The following NDUFS4 variants were observed in gnomAD, a reference collection of about 807,000 sequenced individuals.
NDUFS4 encodes the protein NADH:ubiquinone oxidoreductase subunit S4, also known as NADH dehydrogenase [ubiquinone] iron-sulfur protein 4, mitochondrial.
A neutral mutation model predicts 24.3 loss-of-function variants in NDUFS4; 28 were observed. That is an observed-to-expected ratio of 1.15 (90% confidence interval 0.85 to 1.58). NDUFS4 has a LOEUF of 1.58. Among genes scored for constraint, NDUFS4 ranks in the 40% most tolerant of loss-of-function variants. The probability of loss-of-function intolerance (pLI) is 0.00; values close to 1 mark genes in which losing one functional copy is unlikely to be tolerated. For synonymous variants in NDUFS4, 93 were observed against 69.7 expected, an observed-to-expected ratio of 1.34 and a Z score of -1.67; for missense variants, 223 against 207.9, an observed-to-expected ratio of 1.07 and a Z score of -0.45.
intron 2 of NDUFS4, among the ~76,000 whole-genome samples, chr5:53,635,461 A>G (rs2112494920): frequency 6.6e-6 from 1 of 152,274 alleles, no homozygotes; most frequent in South Asian, 2.1e-4. Flanking sequence ...TCAAGGTTGC[A>G]GTAAGCCATG....
intron 1 of NDUFS4, among the ~76,000 whole-genome samples, chr5:53,562,166 G>A (rs1748869967): frequency 6.6e-6 from 1 of 152,058 alleles, no homozygotes; most frequent in Non-Finnish European, 1.5e-5. Context: ...ACCACACCTG[G>A]CTAATTTTTG....
chr5:53,632,516 C>G (rs576146833), intron 2 of NDUFS4, among the ~76,000 whole-genome samples: 4 of 152,266 alleles, frequency 2.6e-5, no homozygotes, highest in African/African-American at 9.6e-5. Flanking sequence ...TTTTGCTTAA[C>G]TCCTCTTCAG....
chr5:53,596,833 G>A (rs1750148597), intron 1 of NDUFS4, among the ~76,000 whole-genome samples: 1 of 152,138 alleles, frequency 6.6e-6, no homozygotes, highest in East Asian at 1.9e-4. Flanking sequence ...CTCCATAATG[G>A]TTTTTATAAG....
At chr5:53,672,260 G>A (rs1013597761) in intron 4 of NDUFS4, among the ~76,000 whole-genome samples, 1 of 151,588 alleles carries the variant, frequency 6.6e-6, no homozygotes, top group African/African-American at 2.4e-5. Context: ...CAAAACAAAG[G>A]CAAGAATCAT....
intron 1 of NDUFS4, among the ~76,000 whole-genome samples, chr5:53,566,925 T>C (rs1749046097): frequency 6.6e-6 from 1 of 150,874 alleles, no homozygotes; most frequent in South Asian, 2.1e-4. Flanking sequence ...CTCGGCTCAC[T>C]GTGAACTCTG....
chr5:53,645,251 G>A (rs1751827074), intron 2 of NDUFS4, among the ~76,000 whole-genome samples: 1 of 152,020 alleles, frequency 6.6e-6, no homozygotes, highest in Non-Finnish European at 1.5e-5. Context: ...ATCAGATAAA[G>A]TATTTTACCA....
intron 1 of NDUFS4, among the ~76,000 whole-genome samples, chr5:53,587,609 G>A (rs1303534570): frequency 2.0e-5 from 3 of 147,708 alleles, no homozygotes; most frequent in South Asian, 2.1e-4. Flanking sequence ...ACAGCGTCTC[G>A]CTCTGTCTCA....
chr5:53,624,252 C>T (rs963653078), intron 2 of NDUFS4, among the ~76,000 whole-genome samples: 3 of 152,106 alleles, frequency 2.0e-5, no homozygotes, highest in Non-Finnish European at 4.4e-5. Flanking sequence ...ATTATTGTAG[C>T]TTTGTAGTAA....
At chr5:53,630,152 T>A (rs887111416) in intron 2 of NDUFS4, among the ~76,000 whole-genome samples, 1 of 152,240 alleles carries the variant, frequency 6.6e-6, no homozygotes, top group Non-Finnish European at 1.5e-5. Flanking sequence ...TTAATTTGGC[T>A]GGGTATGAAA....
intron 3 of NDUFS4, among the ~76,000 whole-genome samples, chr5:53,646,763 C>T (rs946550750): frequency 2.0e-5 from 3 of 152,024 alleles, no homozygotes; most frequent in Admixed American, 1.3e-4. Context: ...TAAGATATTT[C>T]GAGATAGAGA....
intron 1 of NDUFS4, 67 bp from the exon 2 acceptor site, chr5:53,603,385 T>C: frequency 1.8e-6 from 2 of 1,103,104 alleles, no homozygotes; most frequent in Non-Finnish European, 2.8e-6. Flanking sequence ...AGCTTGTTTA[T>C]GTAAGATTTG....
intron 4 of NDUFS4, among the ~76,000 whole-genome samples, chr5:53,682,069 T>A (rs1003932921): frequency 6.6e-6 from 1 of 152,130 alleles, no homozygotes; most frequent in Non-Finnish European, 1.5e-5. Flanking sequence ...TGTTTCAAGA[T>A]GTTATTTGAA....
chr5:53,624,777 A>G (rs1357432374), intron 2 of NDUFS4, among the ~76,000 whole-genome samples: 1 of 152,188 alleles, frequency 6.6e-6, no homozygotes, highest in Non-Finnish European at 1.5e-5. Context: ...AACAGAGATA[A>G]TTATACATCT....
chr5:53,607,360 A>C (rs1419694069), intron 2 of NDUFS4, among the ~76,000 whole-genome samples: 2 of 152,204 alleles, frequency 1.3e-5, no homozygotes, highest in African/African-American at 2.4e-5. Context: ...ATTGTGTACT[A>C]TGCTCAATAC....
intron 3 of NDUFS4, among the ~76,000 whole-genome samples, chr5:53,658,095 AGGTTT>A (rs1358556038): frequency 6.6e-6 from 1 of 152,138 alleles, no homozygotes; most frequent in African/African-American, 2.4e-5. Flanking sequence ...TAATGATGGA[AGGTTT>A]GTCAGGAGTG....
rs572229852 is a variant in NDUFS4 at position 53,667,390 on chromosome 5, G to A, written c.424+8766G>A. ...TGAGGCAGGAGAATCGCTTGAACCC[G>A]GGAGGCAGAGGTTGCAGTGAGCTGA... On this transcript the variant is annotated intron_variant, in intron 4 of 4. Coordinates refer to ENST00000296684, the MANE Select transcript of NDUFS4 (RefSeq NM_002495.4). 2.0e-4 allele frequency among the ~76,000 whole-genome samples: 30 copies of A among 151,350 alleles called. No homozygotes were observed. The East Asian group carries it at 5.1e-3, about 26-fold the overall frequency.
chr5:53,640,401 G>A (rs376693544), intron 2 of NDUFS4, among the ~76,000 whole-genome samples: 11 of 152,218 alleles, frequency 7.2e-5, no homozygotes, highest in Middle Eastern at 3.4e-3. Context: ...CCTGAGACTG[G>A]ATAATTTATA....
At chr5:53,655,421 G>A (rs1233890090) in intron 3 of NDUFS4, among the ~76,000 whole-genome samples, 1 of 138,276 alleles carries the variant, frequency 7.2e-6, no homozygotes, top group Non-Finnish European at 1.6e-5. Context: ...GCTCTTTTGT[G>A]ACTGGCTTTT....
chr5:53,591,171 T>G (rs983716133), intron 1 of NDUFS4, among the ~76,000 whole-genome samples: 2 of 152,312 alleles, frequency 1.3e-5, no homozygotes, highest in Non-Finnish European at 2.9e-5. Context: ...GTTTACACAT[T>G]CATCTGCCAG....
Sources: gnomAD v4.1 joint callset for allele counts (sites outside exome capture counted in the v4.1 genomes callset) on GRCh38, gnomAD v4.1.1 for gene constraint, MANE v1.5 for transcripts, NCBI Gene and HGNC (gene_info 2026-07-23, HGNC 2026-07-21) for gene names.